Variants in KLF9 observed in about 807,000 individuals in gnomAD.
The protein encoded by KLF9 is KLF transcription factor 9.
Under a neutral mutation model 17.3 loss-of-function variants are expected in KLF9, and 2 were observed. That is an observed-to-expected ratio of 0.12 (90% CI 0.05 to 0.36). The LOEUF is 0.36. Among genes scored for constraint, KLF9 ranks in the 10% least tolerant of loss-of-function variants. The probability of loss-of-function intolerance (pLI) is 1.00; values close to 1 mark genes in which losing one functional copy is unlikely to be tolerated. For missense variants in KLF9, 226 were observed against 333.2 expected, an observed-to-expected ratio of 0.68 and a Z score of 2.51; for synonymous variants, 138 against 139.2, an observed-to-expected ratio of 0.99 and a Z score of 0.06.
Position 70,387,323 on chromosome 9 carries a change from G to C in KLF9, c.*453C>G. ...ATTCTGAGAGACAGCAAGCATAAAGGGCCCAGAATCACTGTGCGAGGCCAC... is the reference window on the plus strand; with the variant it reads ...ATTCTGAGAGACAGCAAGCATAAAGCGCCCAGAATCACTGTGCGAGGCCAC... On this transcript the variant is annotated 3_prime_UTR_variant, in exon 2 of 2. Coordinates refer to ENST00000377126, the MANE Select transcript of KLF9 (RefSeq NM_001206.4). 1 of 163,792 alleles carries C rather than the reference G, an allele frequency of 6.1e-6. No individual in the cohort carries two copies. Among genetic ancestry groups the C allele is most frequent in the South Asian group, 1.6e-4 (1 of 6,392 alleles). 10.1% of individuals were successfully genotyped at this position (163,792 alleles called of 1,614,324 possible).
At chr9:70,407,046 T>C (rs2037260957) in intron 1 of KLF9, among the ~76,000 whole-genome samples, 1 of 151,956 alleles carries the variant, frequency 6.6e-6, no homozygotes, top group Non-Finnish European at 1.5e-5. Context: ...AACTAGAGCA[T>C]GTCAGATTGT....
chr9:70,412,605 C>T (rs557711445), intron 1 of KLF9, among the ~76,000 whole-genome samples: 168 of 152,304 alleles, frequency 1.1e-3, no homozygotes, highest in Middle Eastern at 3.4e-3. Flanking sequence ...ACACCACTCC[C>T]CGCGAAGCCA....
chr9:70,397,415 C>T (rs2037188729), intron 1 of KLF9, among the ~76,000 whole-genome samples: 1 of 151,802 alleles, frequency 6.6e-6, no homozygotes, highest in African/African-American at 2.4e-5. Context: ...GTGGAGGTTG[C>T]AGTGAGCTGA....
chr9:70,407,855 A>G (rs965481921), intron 1 of KLF9, among the ~76,000 whole-genome samples: 2 of 152,174 alleles, frequency 1.3e-5, no homozygotes, highest in Non-Finnish European at 2.9e-5. Context: ...CATCCTCTAT[A>G]GCTAGAAGCC....
At chr9:70,401,794 C>A (rs559191644) in intron 1 of KLF9, among the ~76,000 whole-genome samples, 9 of 151,374 alleles carry the variant, frequency 5.9e-5, no homozygotes, top group Admixed American at 2.6e-4. Context: ...GTGGGTGGAT[C>A]ACATGAGGCC....
intron 1 of KLF9, among the ~76,000 whole-genome samples, chr9:70,397,876 A>G (rs898651512): frequency 2.0e-5 from 3 of 152,194 alleles, no homozygotes; most frequent in African/African-American, 7.2e-5. Context: ...CGAAACATGA[A>G]CAGTTGCTTT....
In KLF9 at chr9:70,405,728, G is replaced by A. The variant is rs140225404; in HGVS notation, c.505+7131C>T. Among the ~76,000 whole-genome samples, 548 of 152,204 alleles carry A rather than the reference G, an allele frequency of 3.6e-3. 4 individuals carry two copies. Among genetic ancestry groups the A allele is most frequent in the African/African-American group, 0.013 (523 of 41,528 alleles). On this transcript the variant is annotated intron_variant, in intron 1 of 1. Coordinates refer to ENST00000377126, the MANE Select transcript of KLF9 (RefSeq NM_001206.4). Reference sequence around the variant, plus strand: ...AAAGGCTTTGGACACACATGGCAATGAATGGCCTTGGAAGGTCCCATGTAT... The same window carrying A: ...AAAGGCTTTGGACACACATGGCAATAAATGGCCTTGGAAGGTCCCATGTAT...
chr9:70,407,420 C>CTTATACCCCT (rs1327487427), intron 1 of KLF9, among the ~76,000 whole-genome samples: 1 of 152,192 alleles, frequency 6.6e-6, no homozygotes, highest in Non-Finnish European at 1.5e-5. Flanking sequence ...CAGGAACCCA[C>CTTATACCCCT]TTATACCCCT....
chr9:70,411,237 G>C (rs904737199), intron 1 of KLF9, among the ~76,000 whole-genome samples: 5 of 152,186 alleles, frequency 3.3e-5, no homozygotes, highest in Admixed American at 1.3e-4. Context: ...TGCACGACTG[G>C]GCAGCTCCCT....
rs1258448219 is a variant in KLF9, at chr9:70,412,760, C to T, written c.505+99G>A. The T allele has an allele frequency of 3.5e-6, 4 of 1,129,822 alleles. No homozygotes were observed. In the African/African-American group the frequency reaches 4.7e-5, roughly 13 times the overall value. 70.0% of individuals were successfully genotyped at this position (1,129,822 alleles called of 1,614,324 possible). ...CCGCATCTTATCCAACATGTTTGCACCCTTTCGGCCGAGTGCAGTGTCCCG... is the reference window on the plus strand; with the variant it reads ...CCGCATCTTATCCAACATGTTTGCATCCTTTCGGCCGAGTGCAGTGTCCCG... On this transcript the variant is annotated intron_variant, in intron 1 of 1. Coordinates refer to ENST00000377126, the MANE Select transcript of KLF9 (RefSeq NM_001206.4).
chr9:70,409,060 G>GTATA (rs1167458714), intron 1 of KLF9, among the ~76,000 whole-genome samples: 1 of 77,994 alleles, frequency 1.3e-5, no homozygotes, highest in African/African-American at 4.1e-5. Context: ...ACATATATGT[G>GTATA]TATATATATG....
chr9:70,405,875 C>T (rs1346208126), intron 1 of KLF9, among the ~76,000 whole-genome samples: 1 of 152,152 alleles, frequency 6.6e-6, no homozygotes, highest in Admixed American at 6.6e-5. Context: ...AATGTTTACT[C>T]GTGGCCTTAA....
chr9:70,406,922 A>C (rs2118924143), intron 1 of KLF9, among the ~76,000 whole-genome samples: 1 of 151,708 alleles, frequency 6.6e-6, no homozygotes, highest in East Asian at 1.9e-4. Context: ...AGAACACGGA[A>C]GATTTGGAAG....
chr9:70,411,070 G>A (rs2037308546), intron 1 of KLF9, among the ~76,000 whole-genome samples: 1 of 152,186 alleles, frequency 6.6e-6, no homozygotes, highest in Admixed American at 6.5e-5. Context: ...GCCTTATGGA[G>A]AATTAAGGAG....
intron 1 of KLF9, among the ~76,000 whole-genome samples, chr9:70,403,937 A>G (rs1169520216): frequency 1.3e-5 from 2 of 152,166 alleles, no homozygotes; most frequent in Admixed American, 6.5e-5. Flanking sequence ...GACCAAACCC[A>G]AGAGAACCAC....
Position 70,386,950 on chromosome 9 carries a change from T to G in KLF9, c.*826A>C, listed in dbSNP as rs1159120946. On this transcript the variant is annotated 3_prime_UTR_variant, in exon 2 of 2. Transcript: ENST00000377126. Reference sequence around the variant, plus strand: ...TGCTTCTATCCTCAAAGCATGTATTTAACTTATTCATCCTCTGCATTAGAA... The same window carrying G: ...TGCTTCTATCCTCAAAGCATGTATTGAACTTATTCATCCTCTGCATTAGAA... 6.6e-6 allele frequency: 1 copy of G among 152,654 alleles called. No individual in the cohort carries two copies. Among genetic ancestry groups the G allele is most frequent in the Non-Finnish European group, 1.5e-5 (1 of 68,030 alleles). 9.5% of individuals were successfully genotyped at this position (152,654 alleles called of 1,614,324 possible). A position where few individuals can be genotyped will look rare whatever the true frequency, so the allele number is the denominator to read the frequency against.
At chr9:70,402,171 C>T (rs957431653) in intron 1 of KLF9, among the ~76,000 whole-genome samples, 24 of 152,112 alleles carry the variant, frequency 1.6e-4, no homozygotes, top group Non-Finnish European at 2.6e-4. Flanking sequence ...TTGGGGCTGG[C>T]CATGAGTATG....
chr9:70,393,396 C>T (rs1036883897), intron 1 of KLF9, among the ~76,000 whole-genome samples: 17 of 152,242 alleles, frequency 1.1e-4, no homozygotes, highest in Middle Eastern at 6.8e-3. Flanking sequence ...AGACAGAGAC[C>T]GGGTACTTGC....
intron 1 of KLF9, among the ~76,000 whole-genome samples, chr9:70,411,099 A>G (rs2037308775): frequency 6.6e-6 from 1 of 152,214 alleles, no homozygotes; most frequent in African/African-American, 2.4e-5. Flanking sequence ...ATGCACGCAC[A>G]CAGAAGCAGC....
Sources: gnomAD v4.1 joint callset for allele counts (sites outside exome capture counted in the v4.1 genomes callset) on GRCh38, gnomAD v4.1.1 for gene constraint, MANE v1.5 for transcripts, NCBI Gene and HGNC (gene_info 2026-07-23, HGNC 2026-07-21) for gene names.